PPP2R3A: variants seen among roughly 807,000 people sequenced by gnomAD.
PPP2R3A encodes protein phosphatase 2 regulatory subunit B''alpha.
In PPP2R3A, 80 loss-of-function variants were observed where a neutral mutation model predicts 106.9. The observed-to-expected ratio is 0.75, with a 90% CI of 0.62 to 0.90. The LOEUF (loss-of-function observed/expected upper bound fraction) is 0.90, where lower values mean the gene tolerates loss of function less well. PPP2R3A is among the 40% of genes least tolerant of loss of function. The probability of loss-of-function intolerance (pLI) is 0.00; values close to 1 mark genes in which losing one functional copy is unlikely to be tolerated. For synonymous variants in PPP2R3A, 483 were observed against 468.3 expected (o/e 1.03, Z -0.41); for missense variants, 1,386 against 1,350.4 (o/e 1.03, Z -0.41).
chr3:136,057,448 T>TA, intron 5 of PPP2R3A, among the ~76,000 whole-genome samples: 1 of 152,106 alleles, frequency 6.6e-6, no homozygotes, highest in African/African-American at 2.4e-5. Flanking sequence ...TGCAGGAGTT[T>TA]AAAAAATGGA....
chr3:136,092,771 A>G (rs951910260), intron 10 of PPP2R3A, among the ~76,000 whole-genome samples: 1 of 152,204 alleles, frequency 6.6e-6, no homozygotes, highest in African/African-American at 2.4e-5. Context: ...GGACGATCCA[A>G]TGGGGAAAAA....
chr3:136,120,930 C>A (rs945443267), intron 13 of PPP2R3A, among the ~76,000 whole-genome samples: 2 of 152,046 alleles, frequency 1.3e-5, no homozygotes. Flanking sequence ...AAAAAAAAAT[C>A]ACAGATGTTG....
intron 5 of PPP2R3A, among the ~76,000 whole-genome samples, chr3:136,057,541 G>T (rs1454257010): frequency 6.6e-6 from 1 of 152,028 alleles, no homozygotes; most frequent in East Asian, 1.9e-4. Context: ...GGGAAAAAGA[G>T]AATATAAATG....
chr3:136,060,191 A>T (rs535419250), intron 5 of PPP2R3A, among the ~76,000 whole-genome samples: 123 of 152,378 alleles, frequency 8.1e-4, no homozygotes, highest in African/African-American at 2.9e-3. Flanking sequence ...CTTTAAACAA[A>T]GAAGGAAACT....
At chr3:136,081,924 G>T (rs1217387964) in intron 7 of PPP2R3A, among the ~76,000 whole-genome samples, 1 of 152,126 alleles carries the variant, frequency 6.6e-6, no homozygotes, top group East Asian at 1.9e-4. Context: ...AACAGTATTT[G>T]TTTCTGGCCA....
chr3:136,105,757 T>C (rs563896550), intron 12 of PPP2R3A, among the ~76,000 whole-genome samples: 1 of 151,762 alleles, frequency 6.6e-6, no homozygotes, highest in East Asian at 1.9e-4. Context: ...AGGTCAGGAG[T>C]TCGAGACCAG....
At chr3:136,125,157 C>T (rs143328761) in intron 13 of PPP2R3A, among the ~76,000 whole-genome samples, 3,442 of 152,002 alleles carry the variant, frequency 0.023, 135 homozygotes, top group African/African-American at 0.078. Context: ...CTTGTCTGTA[C>T]TAAAAATACA....
At chr3:136,133,602 A>G (rs1330742925) in intron 13 of PPP2R3A, among the ~76,000 whole-genome samples, 1 of 152,040 alleles carries the variant, frequency 6.6e-6, no homozygotes, top group African/African-American at 2.4e-5. Flanking sequence ...TTATGAATCA[A>G]TAATCTCACT....
chr3:136,143,895 C>G (rs1281651796), intron 13 of PPP2R3A, among the ~76,000 whole-genome samples: 2 of 152,150 alleles, frequency 1.3e-5, no homozygotes, highest in Non-Finnish European at 2.9e-5. Context: ...CAATTGGTAC[C>G]TTTTTGATGA....
intron 13 of PPP2R3A, among the ~76,000 whole-genome samples, chr3:136,109,922 C>A (rs973984887): frequency 6.6e-6 from 1 of 151,970 alleles, no homozygotes; most frequent in Non-Finnish European, 1.5e-5. Flanking sequence ...CTGAATTTGA[C>A]TGAAACCAAT....
chr3:136,145,219 G>A lies in PPP2R3A; in HGVS notation c.*53G>A. ...TGTGTATTTTAAATGTTTCTTTCTT[G>A]TGAAGAGATGTTCTCGTTTGCATAC... On this transcript the variant is annotated 3_prime_UTR_variant, in exon 14 of 14. Transcript: ENST00000264977. The A allele has an allele frequency of 6.4e-7, 1 of 1,558,878 alleles. No individual in the cohort carries two copies. The highest frequency in any genetic ancestry group is 1.2e-5 in the South Asian group (1 of 82,398).
Position 136,030,521 on chromosome 3 carries a change from C to T in PPP2R3A, c.2262+3423C>T, listed in dbSNP as rs142042697. On this transcript the variant is annotated intron_variant, in intron 3 of 13. Coordinates refer to ENST00000264977, the MANE Select transcript of PPP2R3A (RefSeq NM_002718.5). ...GTCACCCAGGCAGTATACACTGCAC[C>T]CTATTTGTAGTGTTTTATCCCTCAC... Among the ~76,000 whole-genome samples the T allele has an allele frequency of 2.6e-5, 4 of 151,644 alleles. No homozygotes were observed. In the East Asian group the frequency reaches 5.8e-4, roughly 22 times the overall value.
intron 13 of PPP2R3A, among the ~76,000 whole-genome samples, chr3:136,123,228 T>C (rs1938064411): frequency 6.6e-6 from 1 of 152,152 alleles, no homozygotes; most frequent in African/African-American, 2.4e-5. Context: ...AGAGATGGAC[T>C]ATATAAAACC....
chr3:136,029,326 T>C (rs1340777300), intron 3 of PPP2R3A, among the ~76,000 whole-genome samples: 1 of 152,204 alleles, frequency 6.6e-6, no homozygotes, highest in East Asian at 1.9e-4. Flanking sequence ...GAGCCCATTC[T>C]CCTGTGTCTT....
At chr3:136,106,554 C>A (rs890272250) in intron 13 of PPP2R3A, 4 of 513,796 alleles carry the variant, frequency 7.8e-6, no homozygotes, top group Admixed American at 3.6e-5. Context: ...CACTGGAAAC[C>A]GAGATCACTG....
At chr3:136,088,323 T>A (rs976538681) in intron 9 of PPP2R3A, among the ~76,000 whole-genome samples, 1 of 152,190 alleles carries the variant, frequency 6.6e-6, no homozygotes, top group Non-Finnish European at 1.5e-5. Flanking sequence ...AGTATTAGCT[T>A]CCACTTACAA....
chr3:136,038,682 C>T (rs559305184), intron 3 of PPP2R3A, among the ~76,000 whole-genome samples: 1 of 152,300 alleles, frequency 6.6e-6, no homozygotes, highest in East Asian at 1.9e-4. Flanking sequence ...ACGATTCTTT[C>T]CCAGTAGTTG....
At chr3:136,030,347 T>G (rs1462594749) in intron 3 of PPP2R3A, among the ~76,000 whole-genome samples, 4 of 152,052 alleles carry the variant, frequency 2.6e-5, no homozygotes, top group African/African-American at 9.7e-5. Flanking sequence ...TTCTTAAAAT[T>G]GTTTATTTAA....
intron 5 of PPP2R3A, among the ~76,000 whole-genome samples, chr3:136,064,502 A>G (rs538986951): frequency 6.6e-6 from 1 of 152,162 alleles, no homozygotes; most frequent in Admixed American, 6.5e-5. Flanking sequence ...CTTGTTGTGG[A>G]TATGTCAGGA....
Sources: allele counts gnomAD v4.1 joint callset (sites outside exome capture counted in the v4.1 genomes callset), GRCh38; gene constraint gnomAD v4.1.1; transcripts MANE v1.5; gene names NCBI Gene and HGNC (gene_info 2026-07-23, HGNC 2026-07-21).